The following CTSB variants were observed in gnomAD, a reference collection of about 807,000 sequenced individuals.
CTSB encodes the protein cathepsin B.
Under a neutral mutation model 44.3 loss-of-function variants are expected in CTSB, and 57 were observed. The observed-to-expected ratio is 1.29, with a 90% CI of 1.04 to 1.60. The LOEUF is 1.60. CTSB is among the 40% of genes most tolerant of loss of function. CTSB has a pLI of 0.00. For missense variants in CTSB, 768 were observed against 443.0 expected, an observed-to-expected ratio of 1.73 and a Z score of -6.59; for synonymous variants, 320 against 168.0, an observed-to-expected ratio of 1.91 and a Z score of -7.00.
intron 1 of CTSB, among the ~76,000 whole-genome samples, chr8:11,863,139 C>T (rs1261049331): frequency 2.0e-5 from 3 of 152,014 alleles, no homozygotes; most frequent in Non-Finnish European, 4.4e-5. Flanking sequence ...ATAGTGACCT[C>T]GTCTCTATAT....
At chr8:11,862,778 G>A (rs563476009) in intron 1 of CTSB, among the ~76,000 whole-genome samples, 1 of 152,264 alleles carries the variant, frequency 6.6e-6, no homozygotes, top group African/African-American at 2.4e-5. Flanking sequence ...ACGTCAGAGG[G>A]TCATGAGACA....
chr8:11,847,476 C>T (rs1402448899), intron 7 of CTSB, among the ~76,000 whole-genome samples: 1 of 152,190 alleles, frequency 6.6e-6, no homozygotes, highest in Non-Finnish European at 1.5e-5. Context: ...TTTGGAAGGG[C>T]TGAGGCTGAG....
chr8:11,853,154 G>T (rs1204303852), intron 2 of CTSB, among the ~76,000 whole-genome samples, 175 bp downstream of exon 2: 1 of 151,980 alleles, frequency 6.6e-6, no homozygotes, highest in Non-Finnish European at 1.5e-5. Context: ...TGGGGTATGG[G>T]ACAAAGGAGG....
At chr8:11,852,874 CCT>C (rs1017475434) in intron 2 of CTSB, among the ~76,000 whole-genome samples, 179 bp from the exon 3 acceptor site, 3 of 152,192 alleles carry the variant, frequency 2.0e-5, no homozygotes, top group African/African-American at 7.2e-5. Context: ...GGGTGTCTCC[CCT>C]GATCTGCTCC....
At position 11,850,916 on chromosome 8, in the gene CTSB, A is replaced by C; in HGVS notation, c.277T>G (p.Cys93Gly). 6.2e-7 allele frequency: 1 copy of C among 1,613,640 alleles called. No homozygotes were observed. Among genetic ancestry groups the C allele is most frequent in the Non-Finnish European group, 8.5e-7 (1 of 1,179,668 alleles). ...SFDAREQWPQ[C>G]PTIKEIRDQG... The stretch of plus-strand genomic sequence containing the variant: ...TCTCTGATCTCTTTGATGGTGGGAC[A>C]CTGTGGCCATTGTTCCCGTGCATCG... The change falls in exon 4 of 10, where the codon TGT (cysteine) becomes GGT (glycine). Residue 93 changes from cysteine to glycine, a missense_variant. Cys to Gly is a radical substitution (Grantham distance 159). Transcript: ENST00000353047.
At chr8:11,854,240 C>T (rs992739270) in intron 1 of CTSB, among the ~76,000 whole-genome samples, 14 of 152,122 alleles carry the variant, frequency 9.2e-5, no homozygotes, top group African/African-American at 3.1e-4. Context: ...AGAGCCGCGG[C>T]GCGGGGAGCT....
chr8:11,853,955 G>A (rs745629705), intron 1 of CTSB: 1 of 152,934 alleles, frequency 6.5e-6, no homozygotes, highest in East Asian at 1.9e-4. Flanking sequence ...GTGGGCTGGT[G>A]GAGGTTGAGG....
rs1259119235 is a variant in CTSB, at chr8:11,853,384, T to A, written c.71A>T (p.His24Leu). ...GTTGACCAGCTCATCCGACAGGGGA[T>A]GGAAAGAGGGCCTGCTCCGGGCATT... ...LANARSRPSF[H>L]PLSDELVNYV... The change falls in exon 2 of 10, where the codon CAT becomes CTT. Residue 24 changes from histidine to leucine, a missense_variant. By Grantham distance (99) the His-to-Leu change is moderately conservative. Coordinates refer to ENST00000353047, the MANE Select transcript of CTSB (RefSeq NM_001908.5). The A allele has an allele frequency of 3.1e-6, 5 of 1,612,202 alleles. No homozygotes were observed.
At chr8:11,852,511 C>T (rs989807986) in intron 3 of CTSB, 99 bp downstream of exon 3, 5 of 838,780 alleles carry the variant, frequency 6.0e-6, no homozygotes, top group Non-Finnish European at 9.3e-6. Context: ...CAGCATGAGC[C>T]CTGCGGACGC....
chr8:11,863,941 C>CAG (rs1010187266), intron 1 of CTSB, among the ~76,000 whole-genome samples: 2 of 152,154 alleles, frequency 1.3e-5, no homozygotes, highest in Admixed American at 6.6e-5. Flanking sequence ...TGCAGAAACT[C>CAG]TTCTAAGTAT....
At position 11,848,303 on chromosome 8, in the gene CTSB, C is replaced by T. The variant is rs1563391473; in HGVS notation, c.447-151G>A. 4 of 716,310 alleles carry T rather than the reference C, an allele frequency of 5.6e-6. No individual in the cohort carries two copies. The East Asian group carries it at 1.1e-4, about 19-fold the overall frequency. 44.4% of individuals were successfully genotyped at this position (716,310 alleles called of 1,614,324 possible). A position where few individuals can be genotyped will look rare whatever the true frequency, so the allele number is the denominator to read the frequency against. ...CAGACCTCCCAGACCCCAAACCCTC[C>T]AAGGGACGCTCCCTAGATAAGCACA... On this transcript the variant is annotated intron_variant, in intron 5 of 9. Transcript: ENST00000353047.
rs1287363313 is a variant in CTSB, at chr8:11,847,798, G to A, written c.557C>T (p.Pro186Leu). Residue 186 changes from proline (P) to leucine (L), a missense_variant, in exon 7 of 10, where the codon CCC becomes CTC. Coordinates refer to ENST00000353047, the MANE Select transcript of CTSB (RefSeq NM_001908.5). ...GGAGCCGTTGACGTGGTGCTCACAG[G>A]GAGGGATGGAGTACGGTCTGCACCC... ...HVGCRPYSIP[P>L]CEHHVNGSRP... is the part of the protein sequence containing the mutation. 1.3e-6 allele frequency: 2 copies of A among 1,598,474 alleles called. No individual in the cohort carries two copies. Among genetic ancestry groups the A allele is most frequent in the Non-Finnish European group, 1.7e-6 (2 of 1,175,638 alleles).
chr8:11,861,484 G>A (rs1033910218), intron 1 of CTSB: 6 of 152,310 alleles, frequency 3.9e-5, no homozygotes, highest in Non-Finnish European at 7.3e-5. Flanking sequence ...AGACACCTAT[G>A]AGTGGAATAT....
rs376137412 is a variant in CTSB, at chr8:11,848,128, T to G, written c.471A>C (p.Glu157Asp). ...GDGCNGGYPA[E>D]AWNFWTRKGL... ...CTTTTCTTGTCCAGAAGTTCCAAGC[T>G]TCAGCAGGATAGCCACCATTACAGC... Residue 157 changes from glutamate to aspartate, a missense_variant, in exon 6 of 10, where the codon GAA becomes GAC. By Grantham distance (45) the Glu-to-Asp change is conservative. Transcript: ENST00000353047. The G allele has an allele frequency of 1.2e-6, 2 of 1,614,156 alleles. No homozygotes were observed. Among genetic ancestry groups the G allele is most frequent in the Non-Finnish European group, 8.5e-7 (1 of 1,180,002 alleles).
In CTSB at chr8:11,842,592, T is replaced by C. The variant is rs6731; in HGVS notation, c.*2533A>G. 57,435 of 151,948 alleles carry C rather than the reference T, an allele frequency of 0.38. 11,015 individuals are homozygous for C. The highest frequency in any genetic ancestry group is 0.51 in the East Asian group (2,636 of 5,176). 9.4% of individuals were successfully genotyped at this position (151,948 alleles called of 1,614,324 possible). ...ACTTGAAACTGGAAGGATAAGTGGT[T>C]ATGAATTTGTGGCTTATGGTAACCT... is the stretch of plus-strand genomic sequence containing the variant. On this transcript the variant is annotated 3_prime_UTR_variant, in exon 10 of 10. Coordinates refer to ENST00000353047, the MANE Select transcript of CTSB (RefSeq NM_001908.5).
At chr8:11,866,449 G>A (rs1817164785) in intron 1 of CTSB, among the ~76,000 whole-genome samples, 1 of 152,246 alleles carries the variant, frequency 6.6e-6, no homozygotes, top group African/African-American at 2.4e-5. Context: ...GAGGACAAAT[G>A]ACCAAAGACG....
chr8:11,867,838 G>A (rs1817397877), intron 1 of CTSB, 163 bp downstream of exon 1: 1 of 144,318 alleles, frequency 6.9e-6, no homozygotes, highest in Non-Finnish European at 1.5e-5. Context: ...CCGCCCGTCA[G>A]GGACAGTCCC....
intron 1 of CTSB, among the ~76,000 whole-genome samples, chr8:11,859,883 G>A (rs1438210377): frequency 6.6e-6 from 1 of 151,554 alleles, no homozygotes; most frequent in Non-Finnish European, 1.5e-5. Flanking sequence ...GACCAGCCTG[G>A]CCAACATGGT....
intron 4 of CTSB, among the ~76,000 whole-genome samples, chr8:11,850,280 G>A (rs1218128404): frequency 4.0e-5 from 6 of 151,810 alleles, no homozygotes; most frequent in African/African-American, 9.7e-5. Flanking sequence ...TTAGCTGGGC[G>A]TGGTGGCACA....
Sources: allele counts gnomAD v4.1 joint callset (sites outside exome capture counted in the v4.1 genomes callset), GRCh38; gene constraint gnomAD v4.1.1; transcripts MANE v1.5; gene names NCBI Gene and HGNC (gene_info 2026-07-23, HGNC 2026-07-21).